Variants in NFIB observed in about 807,000 individuals in gnomAD.
NFIB encodes the protein nuclear factor 1 B-type.
Under a neutral mutation model 61.5 loss-of-function variants are expected in NFIB, and 11 were observed. That is an observed-to-expected ratio of 0.18 (90% confidence interval 0.11 to 0.30). The LOEUF (loss-of-function observed/expected upper bound fraction) is 0.30. Among genes scored for constraint, NFIB ranks in the 10% least tolerant of loss-of-function variants. The pLI, the probability that NFIB is intolerant of heterozygous loss-of-function variation, is 1.00. For missense variants in NFIB, 471 were observed against 608.9 expected, an observed-to-expected ratio of 0.77 and a Z score of 2.38; for synonymous variants, 260 against 216.5, an observed-to-expected ratio of 1.20 and a Z score of -1.76.
At chr9:14,338,269 T>C (rs1266377356) in intron 1 of NFIB, among the ~76,000 whole-genome samples, 1 of 151,968 alleles carries the variant, frequency 6.6e-6, no homozygotes. Flanking sequence ...TGGCGGGCGC[T>C]TGTAGTCTCA....
At chr9:14,245,230 C>T (rs1445703337) in intron 2 of NFIB, among the ~76,000 whole-genome samples, 1 of 152,110 alleles carries the variant, frequency 6.6e-6, no homozygotes, top group Admixed American at 6.6e-5. Flanking sequence ...TAACATTTAC[C>T]CAGGTGACGA....
chr9:14,350,954 C>T (rs1191266543), intron 1 of NFIB, among the ~76,000 whole-genome samples: 3 of 152,132 alleles, frequency 2.0e-5, no homozygotes, highest in Non-Finnish European at 4.4e-5. Context: ...ACCTTTCTAC[C>T]CACTAGACTA....
intron 3 of NFIB, among the ~76,000 whole-genome samples, chr9:14,158,796 T>C (rs13300925): frequency 0.18 from 27,887 of 152,204 alleles, 2,752 homozygotes; most frequent in South Asian, 0.33. Flanking sequence ...TAGGGTCGGA[T>C]TGTATCTCTT....
chr9:14,388,420 G>T (rs76400640), intron 1 of NFIB, among the ~76,000 whole-genome samples: 1 of 39,672 alleles, frequency 2.5e-5, no homozygotes, highest in South Asian at 7.3e-4. Flanking sequence ...AGGAAGGAAG[G>T]AAGGAAGGAG....
At chr9:14,151,638 G>A (rs575603182) in intron 4 of NFIB, among the ~76,000 whole-genome samples, 676 of 152,274 alleles carry the variant, frequency 4.4e-3, no homozygotes, top group Non-Finnish European at 7.4e-3. Context: ...TCTGGAGAAT[G>A]AGTAAGAGAT....
chr9:14,283,572 G>C (rs1323910769), intron 2 of NFIB, among the ~76,000 whole-genome samples: 2 of 152,244 alleles, frequency 1.3e-5, no homozygotes, highest in Non-Finnish European at 2.9e-5. Flanking sequence ...TTCAGGGCAA[G>C]AGCAGTCCTG....
intron 10 of NFIB, among the ~76,000 whole-genome samples, chr9:14,097,875 C>CTTTTTTTTTTTTTTTTTTTTTT (rs71321962): frequency 8.7e-4 from 96 of 110,872 alleles, no homozygotes; most frequent in Non-Finnish European, 1.1e-3. Context: ...TTTCTTTTTT[C>CTTTTTTTTTTTTTTTTTTTTTT]TTTTTTTTTT....
At chr9:14,246,938 T>C (rs1241003605) in intron 2 of NFIB, among the ~76,000 whole-genome samples, 2 of 152,204 alleles carry the variant, frequency 1.3e-5, no homozygotes, top group African/African-American at 4.8e-5. Flanking sequence ...TTAGTATCCC[T>C]ACAAAGAAGA....
At chr9:14,244,398 G>A (rs1001307535) in intron 2 of NFIB, among the ~76,000 whole-genome samples, 1 of 152,166 alleles carries the variant, frequency 6.6e-6, no homozygotes, top group African/African-American at 2.4e-5. Flanking sequence ...AATACATTCT[G>A]AATCTGCTGA....
intron 2 of NFIB, among the ~76,000 whole-genome samples, chr9:14,208,142 T>A (rs2049936744): frequency 6.6e-6 from 1 of 152,230 alleles, no homozygotes; most frequent in African/African-American, 2.4e-5. Flanking sequence ...TTTTATTCCA[T>A]ATTTGTAATC....
intron 1 of NFIB, among the ~76,000 whole-genome samples, chr9:14,386,936 C>G (rs2021620): frequency 6.6e-6 from 1 of 152,232 alleles, no homozygotes; most frequent in Non-Finnish European, 1.5e-5. Flanking sequence ...TTTTTAATTG[C>G]AAGACTTAAC....
intron 10 of NFIB, among the ~76,000 whole-genome samples, chr9:14,112,315 G>A (rs900254120): frequency 2.0e-5 from 3 of 152,162 alleles, no homozygotes; most frequent in Admixed American, 6.5e-5. Context: ...GACTGTGGCT[G>A]ATCTGTTTAT....
chr9:14,198,897 G>C (rs1405009742), intron 2 of NFIB, among the ~76,000 whole-genome samples: 1 of 152,188 alleles, frequency 6.6e-6, no homozygotes, highest in Non-Finnish European at 1.5e-5. Context: ...CCTGCCATGT[G>C]ATGCACCAGC....
intron 1 of NFIB, among the ~76,000 whole-genome samples, chr9:14,370,021 G>GTCAC (rs2061341291): frequency 6.6e-6 from 1 of 152,166 alleles, no homozygotes; most frequent in Non-Finnish European, 1.5e-5. Context: ...AGCTTTTCCT[G>GTCAC]TCACTCACCT....
At chr9:14,107,609 T>TG (rs1194205371) in intron 10 of NFIB, among the ~76,000 whole-genome samples, 3 of 152,100 alleles carry the variant, frequency 2.0e-5, no homozygotes, top group Non-Finnish European at 2.9e-5. Flanking sequence ...AACCTCTTCA[T>TG]TTTCCTTTCC....
intron 1 of NFIB, among the ~76,000 whole-genome samples, chr9:14,397,666 C>G (rs2061700541): frequency 6.6e-6 from 1 of 152,168 alleles, no homozygotes; most frequent in African/African-American, 2.4e-5. Context: ...TAACCATATT[C>G]TCTTTCAACT....
At chr9:14,409,251 C>G in the NFIB span, among the ~76,000 whole-genome samples, 3 of 151,998 alleles carry the variant, frequency 2.0e-5, no homozygotes, top group South Asian at 6.2e-4. Context: ...TAATTATAAG[C>G]TTATATAATT....
chr9:14,460,718 T>C, the NFIB span, among the ~76,000 whole-genome samples: 1 of 152,136 alleles, frequency 6.6e-6, no homozygotes, highest in Non-Finnish European at 1.5e-5. Flanking sequence ...TACATTGAAA[T>C]TAGAGTGAAC....
the NFIB span, among the ~76,000 whole-genome samples, chr9:14,450,390 T>G: frequency 2.0e-5 from 3 of 152,226 alleles, 1 homozygote; most frequent in South Asian, 6.2e-4. Flanking sequence ...TCCATGAACC[T>G]CTTGCCCAAG....
Sources: gnomAD v4.1 joint callset for allele counts (sites outside exome capture counted in the v4.1 genomes callset) on GRCh38, gnomAD v4.1.1 for gene constraint, MANE v1.5 for transcripts, NCBI Gene and HGNC (gene_info 2026-07-23, HGNC 2026-07-21) for gene names.